BRWD3: variants seen among roughly 807,000 people sequenced by gnomAD.
BRWD3 encodes bromodomain and WD repeat-containing protein 3.
Under a neutral mutation model 149.7 loss-of-function variants are expected in BRWD3, and 10 were observed. That is an observed-to-expected ratio of 0.07 (90% CI 0.04 to 0.11). BRWD3 has a LOEUF of 0.11. Ranked by LOEUF, BRWD3 falls within the 10% of genes least tolerant of loss-of-function variation. BRWD3 has a pLI of 1.00. For synonymous variants in BRWD3, 504 were observed against 456.7 expected, an observed-to-expected ratio of 1.10 and a Z score of -1.32; for missense variants, 940 against 1,373.2, an observed-to-expected ratio of 0.68 and a Z score of 4.99.
At chrX:80,807,980 A>G (rs2074365605) in intron 4 of BRWD3, among the ~76,000 whole-genome samples, 1 of 110,000 alleles carries the variant, frequency 9.1e-6, no homozygotes, top group South Asian at 3.9e-4. Flanking sequence ...GACGCTCCTT[A>G]TTATTTTTAA....
At chrX:80,774,595 C>G (rs1015901816) in intron 6 of BRWD3, among the ~76,000 whole-genome samples, 3 of 111,883 alleles carry the variant, frequency 2.7e-5, no homozygotes, top group Non-Finnish European at 5.6e-5. Context: ...AATGGACAAC[C>G]ATCCCGTCTT....
intron 22 of BRWD3, among the ~76,000 whole-genome samples, chrX:80,706,469 TTTTTA>T (rs1418277159): frequency 8.9e-6 from 1 of 112,035 alleles, no homozygotes; most frequent in Non-Finnish European, 1.9e-5. Context: ...TTAAAATTTT[TTTTTA>T]TTTTAAAATT....
intron 8 of BRWD3, 64 bp from the exon 9 acceptor site, chrX:80,736,152 G>T: frequency 1.5e-6 from 1 of 684,610 alleles, no homozygotes; most frequent in African/African-American, 2.2e-5. Context: ...ATCAAACACG[G>T]AGTATTTTCA....
chrX:80,725,826 A>G lies in BRWD3; in HGVS notation c.1387-759T>C, dbSNP rs750315499. The stretch of plus-strand genomic sequence containing the variant: ...TACATGTGTTACATGCCTATATAAC[A>G]TAACATGTTTACATGTGTTACATGC... On this transcript the variant is annotated intron_variant, in intron 14 of 40. Coordinates refer to ENST00000373275, the MANE Select transcript of BRWD3 (RefSeq NM_153252.5). Among the ~76,000 whole-genome samples the G allele has an allele frequency of 1.3e-4, 5 of 38,945 alleles. No homozygotes were observed. In the South Asian group the frequency reaches 0.011, roughly 89 times the overall value. The allele number at this position is 38,945 out of a possible 115,157, so 33.8% of individuals were successfully genotyped here. A position where few individuals can be genotyped will look rare whatever the true frequency, so the allele number is the denominator to read the frequency against.
At chrX:80,770,282 G>C (rs2073923842) in intron 6 of BRWD3, among the ~76,000 whole-genome samples, 2 of 111,264 alleles carry the variant, frequency 1.8e-5, no homozygotes. Flanking sequence ...ACCAAAGCCT[G>C]GCAGAGACAC....
intron 38 of BRWD3, 114 bp downstream of exon 38, chrX:80,682,347 GAAAC>G (rs2072461166): frequency 1.2e-6 from 1 of 856,202 alleles, no homozygotes; most frequent in Non-Finnish European, 1.7e-6. Context: ...AAGAGTTTAG[GAAAC>G]AAACAAAAAA....
chrX:80,706,375 C>T (rs1266764103), intron 22 of BRWD3, among the ~76,000 whole-genome samples: 2 of 111,944 alleles, frequency 1.8e-5, no homozygotes, highest in Non-Finnish European at 3.8e-5. Flanking sequence ...TCCAAAAGTG[C>T]TGAGATTACA....
chrX:80,683,312 G>A (rs1178544210), intron 37 of BRWD3, among the ~76,000 whole-genome samples: 2 of 111,585 alleles, frequency 1.8e-5, no homozygotes, highest in African/African-American at 3.2e-5. Context: ...GTAAAAATAG[G>A]TGATAGGTTT....
intron 6 of BRWD3, among the ~76,000 whole-genome samples, chrX:80,746,097 T>C (rs1280881420): frequency 1.8e-5 from 2 of 110,987 alleles, no homozygotes; most frequent in Non-Finnish European, 3.8e-5. Context: ...CTTGGTTAAG[T>C]ATATTCCTCT....
intron 35 of BRWD3, among the ~76,000 whole-genome samples, chrX:80,685,944 A>G (rs945368133): frequency 1.8e-5 from 2 of 111,382 alleles, no homozygotes; most frequent in African/African-American, 6.5e-5. Context: ...GAATAGATAC[A>G]CTCCCAGGAA....
In BRWD3 at chrX:80,736,061, T is replaced by G. The variant is rs1214052164; in HGVS notation, c.841A>C (p.Arg281=). The G allele has an allele frequency of 8.4e-7, 1 of 1,191,515 alleles. No homozygotes were observed. Residue 281 remains arginine (R), a synonymous_variant, in exon 9 of 41, where the codon AGA becomes CGA. Coordinates refer to ENST00000373275, the MANE Select transcript of BRWD3 (RefSeq NM_153252.5). ...TCAGCACCAGTAGAAGTGAGGTATC[T>G]GTTTGTGCCTTTAGTTGATGGACAA... The part of the protein sequence containing the change: ...QFCPSTKGTN[R]YLTSTGADGT...
chrX:80,726,306 T>A (rs765959733), intron 14 of BRWD3, among the ~76,000 whole-genome samples: 2 of 103,541 alleles, frequency 1.9e-5, no homozygotes, highest in Non-Finnish European at 4.1e-5. Flanking sequence ...CGTTTACATG[T>A]TATGTCTGTA....
At position 80,676,500 on chromosome X, in the gene BRWD3, T is replaced by C. The variant is rs2072368508; in HGVS notation, c.*109A>G. The C allele has an allele frequency of 1.1e-6, 1 of 948,777 alleles. No individual in the cohort carries two copies. Among genetic ancestry groups the C allele is most frequent in the Non-Finnish European group, 1.5e-6 (1 of 680,110 alleles). 78.2% of individuals were successfully genotyped at this position (948,777 alleles called of 1,213,427 possible). On this transcript the variant is annotated 3_prime_UTR_variant, in exon 41 of 41. Transcript: ENST00000373275. ...ACTGGCATAAATGGAAAAGCACCAA[T>C]GTGAAAGGAAGCAGAAGTCCCCACA...
intron 6 of BRWD3, among the ~76,000 whole-genome samples, chrX:80,749,228 G>A (rs1475035070): frequency 9.0e-6 from 1 of 111,489 alleles, no homozygotes; most frequent in African/African-American, 3.3e-5. Context: ...TTTCCTTATT[G>A]ATTTTCTGTC....
chrX:80,806,097 T>C (rs1234246761), intron 4 of BRWD3, among the ~76,000 whole-genome samples: 2 of 111,839 alleles, frequency 1.8e-5, no homozygotes, highest in African/African-American at 6.5e-5. Context: ...TCTCAGCCAC[T>C]ACACTTCTGT....
chrX:80,696,298 T>A (rs1421724204), intron 26 of BRWD3, among the ~76,000 whole-genome samples: 1 of 110,823 alleles, frequency 9.0e-6, no homozygotes, highest in Non-Finnish European at 1.9e-5. Flanking sequence ...CAACTTCACA[T>A]AAAGAGCCTC....
chrX:80,809,190 C>T (rs1187708051), intron 2 of BRWD3, 56 bp downstream of exon 2: 16 of 1,163,838 alleles, frequency 1.4e-5, no homozygotes, highest in African/African-American at 1.8e-5. Context: ...CCCGCTGCCT[C>T]GATTTCCCCA....
At chrX:80,751,179 A>T (rs753907276) in intron 6 of BRWD3, among the ~76,000 whole-genome samples, 1 of 111,677 alleles carries the variant, frequency 9.0e-6, no homozygotes, top group East Asian at 2.8e-4. Flanking sequence ...TTTGAGATTT[A>T]CTGTACTACA....
At position 80,704,783 on chromosome X, in the gene BRWD3, T is replaced by C. The variant is rs1198861158; in HGVS notation, c.2616A>G (p.Lys872=). The part of the protein sequence containing the change: ...ADAGINLQPP[K]RQTRQTTRKI... ...TACGTGTTGTCTGTCTGGTTTGTCT[T>C]TTTGGGGGTTGTAAATTTATTCCAG... Residue 872 remains lysine, a synonymous_variant, in exon 23 of 41, where the codon AAA becomes AAG. Coordinates refer to ENST00000373275, the MANE Select transcript of BRWD3 (RefSeq NM_153252.5). 1.7e-6 allele frequency: 2 copies of C among 1,209,471 alleles called. No individual in the cohort carries two copies. Among genetic ancestry groups the C allele is most frequent in the African/African-American group, 3.5e-5 (2 of 57,274 alleles).
Sources: allele counts gnomAD v4.1 joint callset (sites outside exome capture counted in the v4.1 genomes callset), GRCh38; gene constraint gnomAD v4.1.1; transcripts MANE v1.5; gene names NCBI Gene and HGNC (gene_info 2026-07-23, HGNC 2026-07-21).